Variants in ENOX2 observed in about 807,000 individuals in gnomAD.
ENOX2 encodes the protein APK1 antigen.
Under a neutral mutation model 45.0 loss-of-function variants are expected in ENOX2, and 36 were observed. That is an observed-to-expected ratio of 0.80 (90% CI 0.61 to 1.06). The LOEUF (loss-of-function observed/expected upper bound fraction) is 1.06. Ranked by LOEUF, ENOX2 falls within the 50% of genes least tolerant of loss-of-function variation. The pLI is 0.00. For missense variants in ENOX2, 423 were observed against 462.5 expected, an observed-to-expected ratio of 0.91 and a Z score of 0.78; for synonymous variants, 174 against 152.3, an observed-to-expected ratio of 1.14 and a Z score of -1.05.
intron 2 of ENOX2, among the ~76,000 whole-genome samples, chrX:130,806,400 T>C (rs761560260): frequency 8.9e-6 from 1 of 112,536 alleles, no homozygotes; most frequent in South Asian, 3.7e-4. Context: ...GAATAAGGAC[T>C]GCATAACTGC....
At chrX:130,651,313 A>G (rs2036392632) in intron 10 of ENOX2, among the ~76,000 whole-genome samples, 1 of 112,159 alleles carries the variant, frequency 8.9e-6, no homozygotes, top group Admixed American at 9.4e-5. Context: ...TTCCCATCTC[A>G]AACACAGAAT....
chrX:130,663,648 C>T (rs2036757898), intron 9 of ENOX2, among the ~76,000 whole-genome samples: 1 of 110,808 alleles, frequency 9.0e-6, no homozygotes, highest in African/African-American at 3.3e-5. Context: ...AAGGGTGGGG[C>T]CATTCAGTCA....
chrX:130,723,333 G>A (rs1056061829), intron 3 of ENOX2, among the ~76,000 whole-genome samples: 10 of 112,057 alleles, frequency 8.9e-5, no homozygotes, highest in African/African-American at 3.2e-4. Flanking sequence ...AAACAAGCAT[G>A]TTATACACAA....
chrX:130,640,523 C>A lies in ENOX2; in HGVS notation c.1130-3113G>T, dbSNP rs761822710. Reference sequence around the variant, plus strand: ...AACCCAAATGCCCCTCAATGATAGACTGGATAAAGAAAATGTGGTACATAT... The same window carrying A: ...AACCCAAATGCCCCTCAATGATAGAATGGATAAAGAAAATGTGGTACATAT... On this transcript the variant is annotated intron_variant, in intron 10 of 14. Transcript: ENST00000394363. Among the ~76,000 whole-genome samples the A allele has an allele frequency of 2.0e-4, 22 of 112,555 alleles. No homozygotes were observed. The East Asian group carries it at 2.2e-3, about 11-fold the overall frequency.
At chrX:130,697,555 C>T (rs1434586087) in intron 4 of ENOX2, among the ~76,000 whole-genome samples, 3 of 111,578 alleles carry the variant, frequency 2.7e-5, no homozygotes, top group South Asian at 3.8e-4. Context: ...AGCTCATATT[C>T]GAGAACATGT....
At chrX:130,638,122 G>A (rs921619568) in intron 10 of ENOX2, among the ~76,000 whole-genome samples, 4 of 105,519 alleles carry the variant, frequency 3.8e-5, no homozygotes, top group East Asian at 6.0e-4. Flanking sequence ...AGGCTGGAGT[G>A]CAGTGGTAGG....
At chrX:130,774,390 C>T (rs2039806536) in intron 3 of ENOX2, among the ~76,000 whole-genome samples, 1 of 111,849 alleles carries the variant, frequency 8.9e-6, no homozygotes, top group Admixed American at 9.5e-5. Context: ...AATCTCACCT[C>T]CTCTACTTAC....
chrX:130,652,772 C>T (rs1024511881), intron 10 of ENOX2, among the ~76,000 whole-genome samples: 2 of 112,192 alleles, frequency 1.8e-5, no homozygotes, highest in Admixed American at 9.4e-5. Flanking sequence ...CAGGCATGCA[C>T]ACAGGGAGAA....
At position 130,718,666 on chromosome X, in the gene ENOX2, G is replaced by A. The variant is rs73635940; in HGVS notation, c.-38-15412C>T. ...AATGGTTATGAATTTTCTAAGTTTG[G>A]AGCTAATCCACAGATTTATCCTTGC... On this transcript the variant is annotated intron_variant, in intron 3 of 14. Coordinates refer to ENST00000394363, the MANE Select transcript of ENOX2 (RefSeq NM_006375.4). Among the ~76,000 whole-genome samples, 551 of 111,993 alleles carry A rather than the reference G, an allele frequency of 4.9e-3. 6 individuals carry two copies. The highest frequency in any genetic ancestry group is 0.017 in the African/African-American group (531 of 30,850).
At chrX:130,765,515 GC>G (rs1381016407) in intron 3 of ENOX2, among the ~76,000 whole-genome samples, 1 of 110,545 alleles carries the variant, frequency 9.0e-6, no homozygotes, top group Non-Finnish European at 1.9e-5. Context: ...ATTTTATATT[GC>G]TAAGATTAAT....
At chrX:130,814,193 G>C (rs929620556) in intron 2 of ENOX2, among the ~76,000 whole-genome samples, 2 of 112,370 alleles carry the variant, frequency 1.8e-5, no homozygotes, top group African/African-American at 6.5e-5. Context: ...TGCCTCTCTA[G>C]CTTCCTCCTC....
chrX:130,631,841 T>C (rs2035742611), intron 12 of ENOX2, among the ~76,000 whole-genome samples: 1 of 107,252 alleles, frequency 9.3e-6, no homozygotes, highest in Non-Finnish European at 1.9e-5. Context: ...ATCTTGACTT[T>C]ATACAAGCAA....
At chrX:130,725,790 TA>T (rs2038591357) in intron 3 of ENOX2, among the ~76,000 whole-genome samples, 1 of 111,389 alleles carries the variant, frequency 9.0e-6, no homozygotes, top group African/African-American at 3.3e-5. Flanking sequence ...CCTGCATCTC[TA>T]GAGGTGATAG....
intron 3 of ENOX2, among the ~76,000 whole-genome samples, chrX:130,780,429 T>C (rs781326591): frequency 1.3e-4 from 15 of 111,913 alleles, no homozygotes; most frequent in African/African-American, 4.5e-4. Flanking sequence ...GACATTCAAC[T>C]TTGGGTAAGT....
At chrX:130,738,795 T>C (rs1272817060) in intron 3 of ENOX2, among the ~76,000 whole-genome samples, 4 of 112,301 alleles carry the variant, frequency 3.6e-5, no homozygotes, top group African/African-American at 1.3e-4. Flanking sequence ...AGCAGCTCTC[T>C]AGTGGTTCAT....
chrX:130,896,351 T>A (rs774815347), intron 2 of ENOX2, among the ~76,000 whole-genome samples: 8 of 110,126 alleles, frequency 7.3e-5, no homozygotes, highest in Non-Finnish European at 1.5e-4. Context: ...GCTATCCCAC[T>A]GAGAAAAAAA....
chrX:130,670,514 C>G (rs376193843), intron 6 of ENOX2, among the ~76,000 whole-genome samples: 1 of 110,451 alleles, frequency 9.1e-6, no homozygotes, highest in Non-Finnish European at 1.9e-5. Flanking sequence ...AGGTTGGCTC[C>G]GTGGGTAATA....
chrX:130,686,822 A>G (rs1271402635), intron 5 of ENOX2, among the ~76,000 whole-genome samples: 1 of 112,477 alleles, frequency 8.9e-6, no homozygotes, highest in Admixed American at 9.4e-5. Context: ...CAAACAGAAC[A>G]CCAGTTTACT....
chrX:130,693,008 T>G (rs1004267300), intron 4 of ENOX2, among the ~76,000 whole-genome samples: 1 of 111,919 alleles, frequency 8.9e-6, no homozygotes, highest in Non-Finnish European at 1.9e-5. Context: ...CCATGTGATT[T>G]CAAGTAATGT....
Sources: gnomAD v4.1 joint callset for allele counts (sites outside exome capture counted in the v4.1 genomes callset) on GRCh38, gnomAD v4.1.1 for gene constraint, MANE v1.5 for transcripts, NCBI Gene and HGNC (gene_info 2026-07-23, HGNC 2026-07-21) for gene names.